Variants in FAM53B observed in about 807,000 individuals in gnomAD.
FAM53B encodes family with sequence similarity 53 member B, also known as protein FAM53B.
In FAM53B, 12 loss-of-function variants were observed where a neutral mutation model predicts 32.7. The observed-to-expected ratio is 0.37, with a 90% CI of 0.24 to 0.59. The LOEUF is 0.59. FAM53B is among the 20% of genes least tolerant of loss of function. The probability of loss-of-function intolerance (pLI) is 0.72; values close to 1 mark genes in which losing one functional copy is unlikely to be tolerated. For missense variants in FAM53B, 477 were observed against 577.7 expected, an observed-to-expected ratio of 0.83 and a Z score of 1.79; for synonymous variants, 234 against 228.7, an observed-to-expected ratio of 1.02 and a Z score of -0.21.
chr10:124,645,293 C>A (rs1247595396), intron 4 of FAM53B, among the ~76,000 whole-genome samples: 1 of 152,114 alleles, frequency 6.6e-6, no homozygotes, highest in African/African-American at 2.4e-5. Flanking sequence ...CCCTTCTTCT[C>A]TTTAATTTTT....
chr10:124,743,093 C>G (rs2134108552), intron 1 of FAM53B: 1 of 135,130 alleles, frequency 7.4e-6, no homozygotes, highest in Admixed American at 9.2e-5. Flanking sequence ...GCCCGTACTA[C>G]AAGCATTGTT....
At chr10:124,680,728 T>C (rs1949764475) in intron 4 of FAM53B, among the ~76,000 whole-genome samples, 1 of 152,006 alleles carries the variant, frequency 6.6e-6, no homozygotes, top group Non-Finnish European at 1.5e-5. Flanking sequence ...TATAAATAAG[T>C]CCAGAAAAGA....
chr10:124,637,453 G>A (rs912370851), intron 4 of FAM53B, among the ~76,000 whole-genome samples: 3 of 152,146 alleles, frequency 2.0e-5, no homozygotes, highest in African/African-American at 7.2e-5. Context: ...CCACTGCACC[G>A]AGACTAGCTT....
intron 1 of FAM53B, among the ~76,000 whole-genome samples, chr10:124,723,720 G>A (rs1216511504): frequency 1.3e-5 from 2 of 152,198 alleles, no homozygotes; most frequent in Non-Finnish European, 2.9e-5. Flanking sequence ...CCTGGGCCAG[G>A]CAGAGCCTGG....
intron 4 of FAM53B, among the ~76,000 whole-genome samples, chr10:124,679,585 G>A (rs1380246512): frequency 1.3e-5 from 2 of 152,244 alleles, no homozygotes; most frequent in African/African-American, 4.8e-5. Flanking sequence ...ATGGCTCAGC[G>A]TCCACGGGCC....
At chr10:124,652,851 C>A (rs928244551) in intron 4 of FAM53B, among the ~76,000 whole-genome samples, 1 of 152,174 alleles carries the variant, frequency 6.6e-6, no homozygotes, top group African/African-American at 2.4e-5. Flanking sequence ...AACCCTCAGG[C>A]TAGTCCCCAG....
chr10:124,638,430 C>T (rs1479511731), intron 4 of FAM53B, among the ~76,000 whole-genome samples: 3 of 152,158 alleles, frequency 2.0e-5, no homozygotes, highest in Admixed American at 6.5e-5. Context: ...GGGCATGTTA[C>T]GCAATCTGAG....
intron 3 of FAM53B, among the ~76,000 whole-genome samples, chr10:124,686,769 A>G (rs1343562223): frequency 6.6e-6 from 1 of 152,236 alleles, no homozygotes; most frequent in East Asian, 1.9e-4. Flanking sequence ...AACTGCAGAT[A>G]AAAGCTACAA....
chr10:124,698,038 C>T (rs755020207), intron 2 of FAM53B, among the ~76,000 whole-genome samples: 5 of 152,228 alleles, frequency 3.3e-5, no homozygotes, highest in African/African-American at 1.2e-4. Flanking sequence ...ACTGCCTGCA[C>T]AGCTGAGAGC....
At chr10:124,637,206 G>C (rs767665156) in intron 4 of FAM53B, among the ~76,000 whole-genome samples, 7 of 152,120 alleles carry the variant, frequency 4.6e-5, no homozygotes, top group Non-Finnish European at 7.4e-5. Context: ...CTGAGCAGGG[G>C]CTGGGTCACC....
At chr10:124,693,834 C>T (rs926553115) in intron 3 of FAM53B, among the ~76,000 whole-genome samples, 4 of 152,232 alleles carry the variant, frequency 2.6e-5, no homozygotes, top group Admixed American at 6.5e-5. Flanking sequence ...TCTTTCTCCT[C>T]CACCAGACAG....
intron 4 of FAM53B, among the ~76,000 whole-genome samples, chr10:124,637,465 G>A (rs747107442): frequency 3.2e-4 from 48 of 152,080 alleles, no homozygotes; most frequent in Non-Finnish European, 6.5e-4. Flanking sequence ...GACTAGCTTC[G>A]ATGCAACTTG....
chr10:124,730,351 A>T (rs891416379), intron 1 of FAM53B, among the ~76,000 whole-genome samples: 1 of 152,204 alleles, frequency 6.6e-6, no homozygotes, highest in South Asian at 2.1e-4. Flanking sequence ...GTGAACCAGG[A>T]GCTGAGGTTA....
At chr10:124,703,732 G>A (rs1949931315) in intron 2 of FAM53B, 1 of 152,400 alleles carries the variant, frequency 6.6e-6, no homozygotes, top group South Asian at 2.1e-4. Context: ...GGCCCGGACA[G>A]GCCAGTAACA....
intron 4 of FAM53B, among the ~76,000 whole-genome samples, chr10:124,677,708 T>G (rs1440511178): frequency 6.6e-6 from 1 of 151,818 alleles, no homozygotes; most frequent in Non-Finnish European, 1.5e-5. Context: ...AAAGACAATC[T>G]GAAAGCAATA....
At position 124,621,615 on chromosome 10, in the gene FAM53B, G is replaced by A. The variant is rs1251330576; in HGVS notation, c.*1627C>T. ...TTAAGAAGTGCCACCCACATATTGG[G>A]AACTTGAACCACCATCCTTTTGATG... On this transcript the variant is annotated 3_prime_UTR_variant, in exon 5 of 5. Coordinates refer to ENST00000337318, the MANE Select transcript of FAM53B (RefSeq NM_014661.4). 1.3e-5 allele frequency: 2 copies of A among 152,224 alleles called. No homozygotes were observed. Among genetic ancestry groups the A allele is most frequent in the Admixed American group, 1.3e-4 (2 of 15,292 alleles). The allele number at this position is 152,224 out of a possible 1,614,324, so 9.4% of individuals were successfully genotyped here.
intron 3 of FAM53B, among the ~76,000 whole-genome samples, chr10:124,690,644 C>T (rs561349100): frequency 6.6e-6 from 1 of 152,346 alleles, no homozygotes; most frequent in East Asian, 1.9e-4. Flanking sequence ...CCATTCTGTG[C>T]TTTATTATTC....
intron 4 of FAM53B, among the ~76,000 whole-genome samples, chr10:124,675,735 G>A (rs953683471): frequency 6.6e-6 from 1 of 152,204 alleles, no homozygotes; most frequent in East Asian, 1.9e-4. Flanking sequence ...CAGCTGATTG[G>A]TCCTCACCCA....
At chr10:124,643,536 C>T (rs1038213823) in intron 4 of FAM53B, among the ~76,000 whole-genome samples, 5 of 152,246 alleles carry the variant, frequency 3.3e-5, no homozygotes, top group Admixed American at 6.5e-5. Flanking sequence ...AACAGAGCCC[C>T]GGGAGGGCCA....
Sources: allele counts gnomAD v4.1 joint callset (sites outside exome capture counted in the v4.1 genomes callset), GRCh38; gene constraint gnomAD v4.1.1; transcripts MANE v1.5; gene names NCBI Gene and HGNC (gene_info 2026-07-23, HGNC 2026-07-21).